The following ARMC8 variants were observed in gnomAD, a reference collection of about 807,000 sequenced individuals.
The protein encoded by ARMC8 is armadillo repeat containing 8.
A neutral mutation model predicts 99.3 loss-of-function variants in ARMC8; 20 were observed. The ratio of observed to expected loss-of-function variants is 0.20; its 90% confidence interval spans 0.14 to 0.29. ARMC8 has a LOEUF of 0.29. Ranked by LOEUF, ARMC8 falls within the 10% of genes least tolerant of loss-of-function variation. The probability of loss-of-function intolerance (pLI) is 1.00; values close to 1 mark genes in which losing one functional copy is unlikely to be tolerated. For synonymous variants in ARMC8, 263 were observed against 278.3 expected, an observed-to-expected ratio of 0.95 and a Z score of 0.55; for missense variants, 569 against 809.5, an observed-to-expected ratio of 0.70 and a Z score of 3.60.
rs1426245170 is a variant in ARMC8, at chr3:138,187,518, C to T, written c.-37C>T. 1 of 1,534,638 alleles carries T rather than the reference C, an allele frequency of 6.5e-7. No individual in the cohort carries two copies. The highest frequency in any genetic ancestry group is 8.7e-7 in the Non-Finnish European group (1 of 1,145,720). Reference sequence around the variant, plus strand: ...TGGCTGTCGAAAGTGCCGGCCCCCGCGCCGGCGCCTGCAGCAGCCGGGTGG... The same window carrying T: ...TGGCTGTCGAAAGTGCCGGCCCCCGTGCCGGCGCCTGCAGCAGCCGGGTGG... On this transcript the variant is annotated 5_prime_UTR_variant, in exon 1 of 22. Coordinates refer to ENST00000469044, the MANE Select transcript of ARMC8 (RefSeq NM_001363941.2).
rs763431944 is a variant in ARMC8, at chr3:138,262,549, G to A, written c.1135-1190G>A. 1.6e-5 allele frequency: 26 copies of A among 1,612,142 alleles called. No homozygotes were observed. The South Asian group carries it at 2.8e-4, about 17-fold the overall frequency. On this transcript the variant is annotated intron_variant, in intron 12 of 21. Coordinates refer to ENST00000469044, the MANE Select transcript of ARMC8 (RefSeq NM_001363941.2). ...TCTGAATCCTCTCATTTTAGTCTAGGTCAGTGATCTTCAACCTTGGCTGTG... is the reference window on the plus strand; with the variant it reads ...TCTGAATCCTCTCATTTTAGTCTAGATCAGTGATCTTCAACCTTGGCTGTG...
At chr3:138,271,582 A>G (rs1206438829) in intron 16 of ARMC8, among the ~76,000 whole-genome samples, 2 of 152,204 alleles carry the variant, frequency 1.3e-5, no homozygotes, top group African/African-American at 4.8e-5. Flanking sequence ...TCTTCATATT[A>G]CCAGCTGCTG....
chr3:138,294,364 G>A (rs781410664), intron 21 of ARMC8, among the ~76,000 whole-genome samples: 3 of 152,158 alleles, frequency 2.0e-5, no homozygotes, highest in Non-Finnish European at 4.4e-5. Flanking sequence ...GTTCTTCTCA[G>A]CCTCTTTAAG....
chr3:138,222,145 C>CT, intron 3 of ARMC8, 148 bp downstream of exon 3: 1 of 632,824 alleles, frequency 1.6e-6, no homozygotes, highest in South Asian at 2.3e-5. Context: ...AGTATTTAAA[C>CT]TATCTTTAAG....
Position 138,228,990 on chromosome 3 carries a change from A to G in ARMC8, c.508A>G (p.Ile170Val). 1 of 1,609,438 alleles carries G rather than the reference A, an allele frequency of 6.2e-7. No homozygotes were observed. ...CTATACCCAGGAGTACATCTGTCAGATCTTCTCACACTGCTGTAAAGTAAG... is the reference window on the plus strand; with the variant it reads ...CTATACCCAGGAGTACATCTGTCAGGTCTTCTCACACTGCTGTAAAGTAAG... ...SRYTQEYICQ[I>V]FSHCCKGPDH... The change falls in exon 6 of 22, where the codon ATC (isoleucine) becomes GTC (valine). Residue 170 changes from isoleucine to valine, a missense_variant. By Grantham distance (29) the Ile-to-Val change is conservative. Transcript: ENST00000469044.
At chr3:138,217,444 T>G (rs566917516) in intron 2 of ARMC8, among the ~76,000 whole-genome samples, 1 of 150,856 alleles carries the variant, frequency 6.6e-6, no homozygotes. Context: ...AATAGCAACA[T>G]ATAGTGCTTT....
intron 19 of ARMC8, chr3:138,287,509 T>C: frequency 1.1e-5 from 4 of 372,946 alleles, no homozygotes; most frequent in South Asian, 8.2e-5. Context: ...TATTGAATGA[T>C]GAATAAACTT....
chr3:138,209,892 A>G lies in ARMC8; in HGVS notation c.121A>G (p.Ile41Val), dbSNP rs1232567424. The change falls in exon 2 of 22, where the codon ATA (isoleucine) becomes GTA (valine). Residue 41 changes from isoleucine (I) to valine (V), a missense_variant and splice_region_variant. Physicochemically the swap from Ile to Val is conservative, Grantham distance 29. Around this residue, in one of 2 missense-constraint regions of ARMC8, gnomAD observed 342 missense variants for 391.6 expected, o/e 0.87. Coordinates refer to ENST00000469044, the MANE Select transcript of ARMC8 (RefSeq NM_001363941.2). ...TCCCCAGAAAGTTCTACAAGGTGTC[A>G]TGTAAGTAGTATGTATTTAAGAGTC... is the stretch of plus-strand genomic sequence containing the variant. The part of the protein sequence containing the change: ...PDPQKVLQGV[I>V]DMKNAVIGNN... 1 of 1,611,746 alleles carries G rather than the reference A, an allele frequency of 6.2e-7. No homozygotes were observed. The highest frequency in any genetic ancestry group is 1.1e-5 in the South Asian group (1 of 91,002).
At chr3:138,192,022 T>C (rs565743775) in intron 1 of ARMC8, among the ~76,000 whole-genome samples, 2 of 152,320 alleles carry the variant, frequency 1.3e-5, no homozygotes, top group South Asian at 4.1e-4. Flanking sequence ...GGAGTGCAAT[T>C]GCAGGATCAG....
At chr3:138,214,159 TAA>T (rs58183163) in intron 2 of ARMC8, among the ~76,000 whole-genome samples, 23 of 139,636 alleles carry the variant, frequency 1.6e-4, no homozygotes, top group Admixed American at 3.6e-4. Context: ...TTGTTTTGTT[TAA>T]AAAAAAAAAA....
At chr3:138,241,266 G>C (rs2046606157) in intron 10 of ARMC8, among the ~76,000 whole-genome samples, 1 of 152,084 alleles carries the variant, frequency 6.6e-6, no homozygotes, top group Non-Finnish European at 1.5e-5. Context: ...TCTGAGTAAT[G>C]GTAAGATCAC....
intron 1 of ARMC8, among the ~76,000 whole-genome samples, chr3:138,208,473 G>C (rs564051804): frequency 6.6e-6 from 1 of 152,248 alleles, no homozygotes; most frequent in Admixed American, 6.5e-5. Flanking sequence ...TCTCAGGGGA[G>C]GGGGGAAGAA....
chr3:138,247,536 A>G (rs929960204), intron 12 of ARMC8, among the ~76,000 whole-genome samples: 3 of 152,226 alleles, frequency 2.0e-5, no homozygotes, highest in African/African-American at 7.2e-5. Context: ...AAAAATGAGA[A>G]CATAATTCAA....
intron 12 of ARMC8, among the ~76,000 whole-genome samples, chr3:138,259,111 C>A (rs2047540843): frequency 6.6e-6 from 1 of 152,136 alleles, no homozygotes; most frequent in Non-Finnish European, 1.5e-5. Flanking sequence ...GACTTGGCAC[C>A]CTCCATCATA....
intron 5 of ARMC8, among the ~76,000 whole-genome samples, chr3:138,227,525 G>T (rs1277267730): frequency 1.3e-5 from 2 of 152,090 alleles, no homozygotes; most frequent in African/African-American, 2.4e-5. Context: ...TAAACTACTT[G>T]TGTAAACACA....
chr3:138,272,964 C>T lies in ARMC8; in HGVS notation c.1480-3C>T. On this transcript the variant is annotated splice_polypyrimidine_tract_variant and splice_region_variant and intron_variant, in intron 16 of 21. Coordinates refer to ENST00000469044, the MANE Select transcript of ARMC8 (RefSeq NM_001363941.2). Reference sequence around the variant, plus strand: ...ATTCTTGCAACTTCTTTAATCCTTTCAGAATATGGCATTTCAGGCTGAACA... The same window carrying T: ...ATTCTTGCAACTTCTTTAATCCTTTTAGAATATGGCATTTCAGGCTGAACA... 6.3e-7 allele frequency: 1 copy of T among 1,576,198 alleles called. No individual in the cohort carries two copies. The highest frequency in any genetic ancestry group is 1.2e-5 in the South Asian group (1 of 83,052).
intron 1 of ARMC8, chr3:138,188,545 G>A: frequency 6.2e-7 from 1 of 1,613,868 alleles, no homozygotes; most frequent in Non-Finnish European, 8.5e-7. Flanking sequence ...GTTTACCAAT[G>A]GTTCATTTGC....
intron 2 of ARMC8, among the ~76,000 whole-genome samples, chr3:138,214,839 A>G (rs1480865135): frequency 6.6e-6 from 1 of 152,050 alleles, no homozygotes; most frequent in African/African-American, 2.4e-5. Context: ...TTTTTAGTAG[A>G]GACAAGGTTT....
intron 1 of ARMC8, among the ~76,000 whole-genome samples, chr3:138,206,045 A>C (rs568268668): frequency 6.6e-6 from 1 of 152,366 alleles, no homozygotes; most frequent in African/African-American, 2.4e-5. Flanking sequence ...ATATTATTTC[A>C]ATATATCTGT....
Sources: gnomAD v4.1 joint callset for allele counts (sites outside exome capture counted in the v4.1 genomes callset) on GRCh38, gnomAD v4.1.1 for gene constraint, gnomAD v4.1.1 regional missense constraint, MANE v1.5 for transcripts, NCBI Gene and HGNC (gene_info 2026-07-23, HGNC 2026-07-21) for gene names.